KHDRBS2: variants seen among roughly 807,000 people sequenced by gnomAD.
KHDRBS2 encodes the protein KH RNA binding domain containing, signal transduction associated 2, also known as KH domain-containing, RNA-binding, signal transduction-associated protein 2.
Under a neutral mutation model 44.3 loss-of-function variants are expected in KHDRBS2, and 26 were observed. The observed-to-expected ratio is 0.59, with a 90% confidence interval of 0.43 to 0.81. The LOEUF (loss-of-function observed/expected upper bound fraction) is 0.81, where lower values mean the gene tolerates loss of function less well. Ranked by LOEUF, KHDRBS2 falls within the 40% of genes least tolerant of loss-of-function variation. KHDRBS2 has a pLI of 0.00. For synonymous variants in KHDRBS2, 194 were observed against 151.1 expected, an observed-to-expected ratio of 1.28 and a Z score of -2.08; for missense variants, 476 against 433.1, an observed-to-expected ratio of 1.10 and a Z score of -0.88.
At chr6:61,949,542 A>G (rs1562498942) in intron 4 of KHDRBS2, among the ~76,000 whole-genome samples, 1 of 151,932 alleles carries the variant, frequency 6.6e-6, no homozygotes, top group Non-Finnish European at 1.5e-5. Context: ...ACAATATACT[A>G]TTTTTTTCAA....
At chr6:61,874,131 A>G (rs1339203308) in intron 6 of KHDRBS2, among the ~76,000 whole-genome samples, 3 of 152,112 alleles carry the variant, frequency 2.0e-5, no homozygotes, top group East Asian at 1.9e-4. Flanking sequence ...TTGATTATGT[A>G]ATTTTTTATA....
At chr6:61,974,411 G>A (rs188464390) in intron 4 of KHDRBS2, among the ~76,000 whole-genome samples, 2 of 152,220 alleles carry the variant, frequency 1.3e-5, no homozygotes, top group East Asian at 3.9e-4. Context: ...ATAAAGAGAG[G>A]AGTGCATCAA....
At chr6:61,675,597 A>T (rs1765887526), downstream of KHDRBS2, among the ~76,000 whole-genome samples, 1 of 151,784 alleles carries the variant, frequency 6.6e-6, no homozygotes, top group South Asian at 2.1e-4. Flanking sequence ...TTACATAGTG[A>T]CCTCAGGGCA....
At chr6:62,075,792 A>G (rs1377589507) in intron 2 of KHDRBS2, among the ~76,000 whole-genome samples, 2 of 151,534 alleles carry the variant, frequency 1.3e-5, no homozygotes, top group African/African-American at 4.8e-5. Context: ...CAGCCTCTGT[A>G]GGTAATAGAG....
chr6:61,878,310 C>G (rs990883586), intron 6 of KHDRBS2, among the ~76,000 whole-genome samples: 1 of 152,014 alleles, frequency 6.6e-6, no homozygotes, highest in African/African-American at 2.4e-5. Context: ...CTAGGCAATT[C>G]TTTTTCACAA....
chr6:62,105,479 T>G (rs1014189542), intron 2 of KHDRBS2, among the ~76,000 whole-genome samples: 1 of 152,194 alleles, frequency 6.6e-6, no homozygotes, highest in Non-Finnish European at 1.5e-5. Context: ...TATTCAGAGA[T>G]TCAACTTCTT....
chr6:61,652,248 T>A, the KHDRBS2 span: 4 of 152,122 alleles, frequency 2.6e-5, no homozygotes, highest in Non-Finnish European at 5.9e-5. Context: ...ATATTTATGA[T>A]ACCTACTTCT....
intron 2 of KHDRBS2, among the ~76,000 whole-genome samples, chr6:62,074,166 A>G (rs1304219191): frequency 2.6e-5 from 4 of 151,894 alleles, no homozygotes; most frequent in African/African-American, 9.7e-5. Context: ...CACTGACACA[A>G]GGATCTTAAA....
rs531209219 is a variant in KHDRBS2, at chr6:61,715,932, T to C, written c.893+16750A>G. Among the ~76,000 whole-genome samples, 23 of 151,696 alleles carry C rather than the reference T, an allele frequency of 1.5e-4. No individual in the cohort carries two copies. The East Asian group carries it at 2.5e-3, about 17-fold the overall frequency. ...AGTTGCCAGTATCTAAAAATCAGAG[T>C]ATTGCACAGAAAAACTGACGTAGCA... On this transcript the variant is annotated intron_variant, in intron 7 of 8. Transcript: ENST00000281156.
At chr6:62,017,047 C>T (rs1288670342) in intron 3 of KHDRBS2, among the ~76,000 whole-genome samples, 1 of 152,018 alleles carries the variant, frequency 6.6e-6, no homozygotes, top group Non-Finnish European at 1.5e-5. Context: ...AATTTTTTCT[C>T]TCATCTCACT....
At chr6:61,976,347 G>A (rs1772656096) in intron 4 of KHDRBS2, among the ~76,000 whole-genome samples, 1 of 152,138 alleles carries the variant, frequency 6.6e-6, no homozygotes, top group African/African-American at 2.4e-5. Context: ...TCAGTGGAGA[G>A]TATATAAATG....
the KHDRBS2 span, among the ~76,000 whole-genome samples, chr6:61,598,074 TC>T: frequency 6.7e-6 from 1 of 149,954 alleles, no homozygotes; most frequent in Non-Finnish European, 1.5e-5. Flanking sequence ...GAGCAGTGTC[TC>T]CCCCACCTCC....
chr6:61,616,807 C>A, the KHDRBS2 span, among the ~76,000 whole-genome samples: 1 of 152,102 alleles, frequency 6.6e-6, no homozygotes, highest in Non-Finnish European at 1.5e-5. Context: ...CCCAGCTCCC[C>A]GATTCTCCAG....
intron 7 of KHDRBS2, among the ~76,000 whole-genome samples, chr6:61,706,393 G>T (rs1224941444): frequency 6.6e-6 from 1 of 151,768 alleles, no homozygotes; most frequent in African/African-American, 2.4e-5. Context: ...TTTGTATCTA[G>T]AAAAGTAGAC....
At chr6:61,565,448 C>T in the KHDRBS2 span, among the ~76,000 whole-genome samples, 1 of 151,936 alleles carries the variant, frequency 6.6e-6, no homozygotes, top group Non-Finnish European at 1.5e-5. Flanking sequence ...GATATAAAAG[C>T]AACTCAAACA....
chr6:61,580,390 C>T, the KHDRBS2 span, among the ~76,000 whole-genome samples: 6 of 152,106 alleles, frequency 3.9e-5, no homozygotes, highest in African/African-American at 1.4e-4. Context: ...GTAAAATAGA[C>T]CAATCAGCAG....
At chr6:61,690,409 T>A (rs780783273) in intron 8 of KHDRBS2, among the ~76,000 whole-genome samples, 1 of 151,968 alleles carries the variant, frequency 6.6e-6, no homozygotes, top group Non-Finnish European at 1.5e-5. Context: ...TTAGCCAAAA[T>A]GATTGTGCCA....
In KHDRBS2 at chr6:62,181,204, TCAAA is replaced by T. The variant is rs150150574; in HGVS notation, c.92-3896_92-3893del. ...GCAAAAATAGACAAGTGGGATTATA[TCAAA>T]CAAACAGTTTCTACACAGCAAAAGA... On this transcript the variant is annotated intron_variant, in intron 1 of 8. Coordinates refer to ENST00000281156, the MANE Select transcript of KHDRBS2 (RefSeq NM_152688.4). Among the ~76,000 whole-genome samples the T allele has an allele frequency of 7.9e-3, 1,208 of 151,950 alleles. 15 individuals are homozygous for T. Among genetic ancestry groups the T allele is most frequent in the African/African-American group, 0.028 (1,142 of 41,492 alleles).
intron 6 of KHDRBS2, among the ~76,000 whole-genome samples, chr6:61,886,624 G>C (rs780271626): frequency 1.4e-4 from 22 of 152,014 alleles, no homozygotes; most frequent in Non-Finnish European, 2.8e-4. Flanking sequence ...ATCATAAGTA[G>C]GTTCAATTCA....
Sources: allele counts gnomAD v4.1 joint callset (sites outside exome capture counted in the v4.1 genomes callset), GRCh38; gene constraint gnomAD v4.1.1; transcripts MANE v1.5; gene names NCBI Gene and HGNC (gene_info 2026-07-23, HGNC 2026-07-21).